Variants in OR2C3 observed in about 807,000 individuals in gnomAD.
OR2C3 encodes the protein olfactory receptor family 2 subfamily C member 3, also known as olfactory receptor 2C3.
For synonymous variants in OR2C3, 178 were observed against 163.4 expected, an observed-to-expected ratio of 1.09 and a Z score of -0.68; for missense variants, 425 against 401.5, an observed-to-expected ratio of 1.06 and a Z score of -0.50.
At position 247,533,663 on chromosome 1, in the gene OR2C3, G is replaced by T. The variant is rs1667100079; in HGVS notation, c.-186C>A. 6.6e-6 allele frequency: 1 copy of T among 152,176 alleles called. No individual in the cohort carries two copies. The highest frequency in any genetic ancestry group is 2.4e-5 in the African/African-American group (1 of 41,430). 9.4% of individuals were successfully genotyped at this position (152,176 alleles called of 1,614,324 possible). Reference sequence around the variant, plus strand: ...ATCAGTATTAGATCATGCCCTTCATGTTCAATCATATTTCTACATGGCTGT... The same window carrying T: ...ATCAGTATTAGATCATGCCCTTCATTTTCAATCATATTTCTACATGGCTGT... On this transcript the variant is annotated 5_prime_UTR_variant, in exon 2 of 3. Coordinates refer to ENST00000641802, the MANE Select transcript of OR2C3 (RefSeq NM_198074.6).
Position 247,532,140 on chromosome 1 carries a change from G to A in OR2C3, c.372C>T (p.Tyr124=), listed in dbSNP as rs148160393. 609 of 1,614,080 alleles carry A rather than the reference G, an allele frequency of 3.8e-4. 1 individual carries two copies. Among genetic ancestry groups the A allele is most frequent in the South Asian group, 6.7e-4 (61 of 91,066 alleles). ...VLLATMSYDR[Y]AAICRPLHYT... ...AATGGAGTGGCCTGCAGATGGCAGC[G>A]TAGCGGTCATAGGACATGGTGGCCA... Residue 124 remains tyrosine (Y), a synonymous_variant, in exon 3 of 3, where the codon TAC becomes TAT. Transcript: ENST00000641802.
At position 247,530,586 on chromosome 1, in the gene OR2C3, C is replaced by A. The variant is rs925265246; in HGVS notation, c.*963G>T. The A allele has an allele frequency of 2.7e-5, 4 of 149,028 alleles. No individual in the cohort carries two copies. Among genetic ancestry groups the A allele is most frequent in the African/African-American group, 4.9e-5 (2 of 40,682 alleles). 9.2% of individuals were successfully genotyped at this position (149,028 alleles called of 1,614,324 possible). ...GTTATTTACAAAATGTGTCATTTTA[C>A]TACCTCTAATTTTAACATGTATCAG... is the stretch of plus-strand genomic sequence containing the variant. On this transcript the variant is annotated 3_prime_UTR_variant, in exon 3 of 3. Transcript: ENST00000641802.
Position 247,531,264 on chromosome 1 carries a change from A to G in OR2C3, c.*285T>C. On this transcript the variant is annotated 3_prime_UTR_variant, in exon 3 of 3. Transcript: ENST00000641802. ...TGGAATCCACCCGCTTCGGATACTG[A>G]GGAACAGCTGAACAACAACGCAAGG... is the stretch of plus-strand genomic sequence containing the variant. The G allele has an allele frequency of 2.4e-6, 1 of 413,660 alleles. No individual in the cohort carries two copies. 25.6% of individuals were successfully genotyped at this position (413,660 alleles called of 1,614,324 possible). A position where few individuals can be genotyped will look rare whatever the true frequency, so the allele number is the denominator to read the frequency against.
At position 247,531,318 on chromosome 1, in the gene OR2C3, T is replaced by C; in HGVS notation, c.*231A>G. The C allele has an allele frequency of 1.8e-6, 1 of 557,450 alleles. No homozygotes were observed. Among genetic ancestry groups the C allele is most frequent in the Non-Finnish European group, 3.2e-6 (1 of 314,570 alleles). 34.5% of individuals were successfully genotyped at this position (557,450 alleles called of 1,614,324 possible). The stretch of plus-strand genomic sequence containing the variant: ...TTACAAAACAAGATGACAGTCAACA[T>C]GTGTATATATAGCAAAAACCAACAA... On this transcript the variant is annotated 3_prime_UTR_variant, in exon 3 of 3. Transcript: ENST00000641802.
At position 247,529,766 on chromosome 1, in the gene OR2C3, C is replaced by G. The variant is rs1487909700; in HGVS notation, c.*1783G>C. 7.6e-6 allele frequency: 1 copy of G among 131,408 alleles called. No individual in the cohort carries two copies. Among genetic ancestry groups the G allele is most frequent in the African/African-American group, 3.0e-5 (1 of 33,462 alleles). The allele number at this position is 131,408 out of a possible 1,614,324, so 8.1% of individuals were successfully genotyped here. A position where few individuals can be genotyped will look rare whatever the true frequency, so the allele number is the denominator to read the frequency against. ...TTTTTGATGCGATTAACATTTAAAT[C>G]AGTAGACTTTTAGTAAAGCAGATTA... On this transcript the variant is annotated 3_prime_UTR_variant, in exon 3 of 3. Coordinates refer to ENST00000641802, the MANE Select transcript of OR2C3 (RefSeq NM_198074.6).
Position 247,528,016 on chromosome 1 carries a change from C to T in OR2C3, c.*3533G>A, listed in dbSNP as rs34444215. The T allele has an allele frequency of 1.3e-5, 2 of 152,052 alleles. No individual in the cohort carries two copies. The highest frequency in any genetic ancestry group is 6.5e-5 in the Admixed American group (1 of 15,268). 9.4% of individuals were successfully genotyped at this position (152,052 alleles called of 1,614,324 possible). A position where few individuals can be genotyped will look rare whatever the true frequency, so the allele number is the denominator to read the frequency against. ...TATTTAACTTTCTCAAAAATTTTAT[C>T]TAATACTTTAAAAGTTATGATTTCC... On this transcript the variant is annotated 3_prime_UTR_variant, in exon 3 of 3. Coordinates refer to ENST00000641802, the MANE Select transcript of OR2C3 (RefSeq NM_198074.6).
intron 2 of OR2C3, among the ~76,000 whole-genome samples, chr1:247,533,287 T>C (rs12566025): frequency 1 from 152,053 of 152,266 alleles, 75,920 homozygotes; most frequent in Middle Eastern, 1. Context: ...CCATGAAGGC[T>C]TCAGAAGCAA....
At position 247,530,526 on chromosome 1, in the gene OR2C3, C is replaced by CCCG. The variant is rs1553302928; in HGVS notation, c.*1022_*1023insCGG. ...CACAAACACCATGCCATCCCCCCCCCACAAAATAACATTTCCTATGAATTT... is the reference window on the plus strand; with the variant it reads ...CACAAACACCATGCCATCCCCCCCCCCCGACAAAATAACATTTCCTATGAATTT... On this transcript the variant is annotated 3_prime_UTR_variant, in exon 3 of 3. Transcript: ENST00000641802. 4 of 149,540 alleles carry CCCG rather than the reference C, an allele frequency of 2.7e-5. No individual in the cohort carries two copies. The highest frequency in any genetic ancestry group is 6.0e-5 in the Non-Finnish European group (4 of 66,954). 9.3% of individuals were successfully genotyped at this position (149,540 alleles called of 1,614,324 possible).
rs748546913 is a variant in OR2C3 at position 247,531,940 on chromosome 1, A to T, written c.572T>A (p.Val191Glu). The T allele has an allele frequency of 5.0e-6, 8 of 1,614,092 alleles. No homozygotes were observed. Among genetic ancestry groups the T allele is most frequent in the Non-Finnish European group, 6.8e-6 (8 of 1,180,038 alleles). The change falls in exon 3 of 3, where the codon GTG (valine) becomes GAG (glutamate). Residue 191 changes from valine to glutamate, a missense_variant. Val to Glu is a moderately radical substitution (Grantham distance 121). Coordinates refer to ENST00000641802, the MANE Select transcript of OR2C3 (RefSeq NM_198074.6). ...EMPLIMQLAC[V>E]DTSLNEMEMY... ...CTCCATCTCATTGAGGCTGGTATCC[A>T]CACAAGCCAGTTGCATAATGAGGGG...
In OR2C3 at chr1:247,526,388, A is replaced by G. The variant is rs1470284490; in HGVS notation, c.*5161T>C. The G allele has an allele frequency of 6.6e-6, 1 of 152,464 alleles. No individual in the cohort carries two copies. The highest frequency in any genetic ancestry group is 2.1e-4 in the South Asian group (1 of 4,830). The allele number at this position is 152,464 out of a possible 1,614,324, so 9.4% of individuals were successfully genotyped here. A position where few individuals can be genotyped will look rare whatever the true frequency, so the allele number is the denominator to read the frequency against. On this transcript the variant is annotated 3_prime_UTR_variant, in exon 3 of 3. Transcript: ENST00000641802. This position sits in a 1 kb window ranked among gnomAD's most constrained non-coding sequence, Gnocchi z 4.8. ...AAATTACCTTAGTCTGGGTGTTTCC[A>G]AGGCAGAAGCTGTGTCCAGTGCACA... is the stretch of plus-strand genomic sequence containing the variant.
chr1:247,531,915 C>A lies in OR2C3; in HGVS notation c.597G>T (p.Glu199Asp). The stretch of plus-strand genomic sequence containing the variant: ...CAAAGACAAAGCTGGCCAGGTACAT[C>A]TCCATCTCATTGAGGCTGGTATCCA... ...ACVDTSLNEM[E>D]MYLASFVFVV... Residue 199 changes from glutamate (E) to aspartate (D), a missense_variant, in exon 3 of 3, where the codon GAG becomes GAT. By Grantham distance (45) the Glu-to-Asp change is conservative (BLOSUM62 2). Coordinates refer to ENST00000641802, the MANE Select transcript of OR2C3 (RefSeq NM_198074.6). 1 of 1,614,208 alleles carries A rather than the reference C, an allele frequency of 6.2e-7. No homozygotes were observed. The highest frequency in any genetic ancestry group is 8.5e-7 in the Non-Finnish European group (1 of 1,180,030).
chr1:247,532,264 A>G lies in OR2C3; in HGVS notation c.248T>C (p.Leu83Pro). 1 of 1,614,218 alleles carries G rather than the reference A, an allele frequency of 6.2e-7. No individual in the cohort carries two copies. ...SFTTSIVPQL[L>P]ANLWGPQKTI... ...TTTCTGTGGTCCCCAGAGGTTAGCC[A>G]GGAGCTGTGGGACAATGCTCGTGGT... Residue 83 changes from leucine to proline, a missense_variant, in exon 3 of 3, where the codon CTG (leucine) becomes CCG (proline). By Grantham distance (98) the Leu-to-Pro change is moderately conservative. Coordinates refer to ENST00000641802, the MANE Select transcript of OR2C3 (RefSeq NM_198074.6).
At position 247,529,014 on chromosome 1, in the gene OR2C3, C is replaced by G. The variant is rs2103329947; in HGVS notation, c.*2535G>C. On this transcript the variant is annotated 3_prime_UTR_variant, in exon 3 of 3. Coordinates refer to ENST00000641802, the MANE Select transcript of OR2C3 (RefSeq NM_198074.6). ...GCCTATGAGAAATTTAACATGGAAG[C>G]AGGGATGGAAACTATGAATGGGCTC... 1 of 152,154 alleles carries G rather than the reference C, an allele frequency of 6.6e-6. No homozygotes were observed. Among genetic ancestry groups the G allele is most frequent in the Middle Eastern group, 3.4e-3 (1 of 294 alleles). The allele number at this position is 152,154 out of a possible 1,614,324, so 9.4% of individuals were successfully genotyped here.
chr1:247,535,350 G>T (rs1667177400), intron 1 of OR2C3, among the ~76,000 whole-genome samples: 1 of 152,142 alleles, frequency 6.6e-6, no homozygotes, highest in African/African-American at 2.4e-5. Flanking sequence ...GGGAGGTAGA[G>T]TTGAGACCTG....
At position 247,531,788 on chromosome 1, in the gene OR2C3, A is replaced by G; in HGVS notation, c.724T>C (p.Cys242Arg). The G allele has an allele frequency of 6.2e-7, 1 of 1,614,188 alleles. No homozygotes were observed. Among genetic ancestry groups the G allele is most frequent in the East Asian group, 2.2e-5 (1 of 44,886 alleles). ...GACACCACAGCCACGTGGGAAGAAC[A>G]GGTGTTGAATGCCTTTCTCCGCCCT... The part of the protein sequence containing the change: ...AEGRRKAFNT[C>R]SSHVAVVSLF... Residue 242 changes from cysteine (C) to arginine (R), a missense_variant, in exon 3 of 3, where the codon TGT becomes CGT. Coordinates refer to ENST00000641802, the MANE Select transcript of OR2C3 (RefSeq NM_198074.6).
Position 247,532,439 on chromosome 1 carries a change from C to G in OR2C3, c.73G>C (p.Glu25Gln), listed in dbSNP as rs778698708. Residue 25 changes from glutamate (E) to glutamine (Q), a missense_variant, in exon 3 of 3, where the codon GAA becomes CAA. Transcript: ENST00000641802. ...AAGACAACTATGAAGAGGACAGTTTCTAGTGAGGGTCGTGTGGAGAAGCCC... is the reference window on the plus strand; with the variant it reads ...AAGACAACTATGAAGAGGACAGTTTGTAGTGAGGGTCGTGTGGAGAAGCCC... ...LLGFSTRPSL[E>Q]TVLFIVVLSF... 6.2e-7 allele frequency: 1 copy of G among 1,614,040 alleles called. No individual in the cohort carries two copies. Among genetic ancestry groups the G allele is most frequent in the Non-Finnish European group, 8.5e-7 (1 of 1,179,948 alleles).
rs1572315068 is a variant in OR2C3 at position 247,531,292 on chromosome 1, T to G, written c.*257A>C. ...AACAGCTGAACAACAACGCAAGGAGTTTACAAAACAAGATGACAGTCAACA... is the reference window on the plus strand; with the variant it reads ...AACAGCTGAACAACAACGCAAGGAGGTTACAAAACAAGATGACAGTCAACA... On this transcript the variant is annotated 3_prime_UTR_variant, in exon 3 of 3. Coordinates refer to ENST00000641802, the MANE Select transcript of OR2C3 (RefSeq NM_198074.6). The G allele has an allele frequency of 2.4e-5, 11 of 463,222 alleles. No individual in the cohort carries two copies. The highest frequency in any genetic ancestry group is 3.8e-5 in the Non-Finnish European group (10 of 261,104). 28.7% of individuals were successfully genotyped at this position (463,222 alleles called of 1,614,324 possible).
In OR2C3 at chr1:247,526,710, T is replaced by G; in HGVS notation, c.*4839A>C. The G allele has an allele frequency of 2.8e-6, 1 of 352,212 alleles. No individual in the cohort carries two copies. Among genetic ancestry groups the G allele is most frequent in the South Asian group, 2.2e-5 (1 of 44,934 alleles). The allele number at this position is 352,212 out of a possible 1,614,324, so 21.8% of individuals were successfully genotyped here. A position where few individuals can be genotyped will look rare whatever the true frequency, so the allele number is the denominator to read the frequency against. ...AGAGCAGGTTTGGGATGATCCAGGTTTTCTGTCCTGTGAGAAGCCATCAAA... is the reference window on the plus strand; with the variant it reads ...AGAGCAGGTTTGGGATGATCCAGGTGTTCTGTCCTGTGAGAAGCCATCAAA... On this transcript the variant is annotated 3_prime_UTR_variant, in exon 3 of 3. Coordinates refer to ENST00000641802, the MANE Select transcript of OR2C3 (RefSeq NM_198074.6). The surrounding 1 kb of genome is among the most constrained non-coding windows in gnomAD (Gnocchi z 4.8).
Position 247,528,386 on chromosome 1 carries a change from G to C in OR2C3, c.*3163C>G, listed in dbSNP as rs890676686. 6.6e-6 allele frequency: 1 copy of C among 152,148 alleles called. No individual in the cohort carries two copies. Among genetic ancestry groups the C allele is most frequent in the Admixed American group, 6.5e-5 (1 of 15,280 alleles). The allele number at this position is 152,148 out of a possible 1,614,324, so 9.4% of individuals were successfully genotyped here. A position where few individuals can be genotyped will look rare whatever the true frequency, so the allele number is the denominator to read the frequency against. On this transcript the variant is annotated 3_prime_UTR_variant, in exon 3 of 3. Coordinates refer to ENST00000641802, the MANE Select transcript of OR2C3 (RefSeq NM_198074.6). ...AACACTTGTCATTTCTTTGTGGTGA[G>C]AGCGTTCAAAATCCTGTCTTCACAA... is the stretch of plus-strand genomic sequence containing the variant.
Sources: allele counts gnomAD v4.1 joint callset (sites outside exome capture counted in the v4.1 genomes callset), GRCh38; gene constraint gnomAD v4.1.1; non-coding constraint Gnocchi (gnomAD v3.1); transcripts MANE v1.5; gene names NCBI Gene and HGNC (gene_info 2026-07-23, HGNC 2026-07-21).